CD48: variants seen among roughly 807,000 people sequenced by gnomAD.
The protein encoded by CD48 is CD48 antigen.
Under a neutral mutation model 22.0 loss-of-function variants are expected in CD48, and 20 were observed. The observed-to-expected ratio is 0.91, with a 90% CI of 0.64 to 1.32. The LOEUF is 1.32. Among genes scored for constraint, CD48 ranks in the 40% most tolerant of loss-of-function variants. CD48 has a pLI of 0.00. For missense variants in CD48, 307 were observed against 286.5 expected, an observed-to-expected ratio of 1.07 and a Z score of -0.52; for synonymous variants, 110 against 110.1, an observed-to-expected ratio of 1.00 and a Z score of 0.01.
chr1:160,680,629 A>G (rs1423545411), intron 3 of CD48: 6 of 1,009,232 alleles, frequency 5.9e-6, no homozygotes, highest in East Asian at 9.5e-5. Context: ...CCCAGGAGAC[A>G]GGGGAATCTG....
chr1:160,681,267 C>A lies in CD48; in HGVS notation c.587G>T (p.Cys196Phe), dbSNP rs1221245153. Residue 196 changes from cysteine (C) to phenylalanine (F), a missense_variant, in exon 3 of 4, where the codon TGC becomes TTC. Cys to Phe is a radical substitution (Grantham distance 205). Transcript: ENST00000368046. ...GCTGCTCACAGAATTGCTGACTTGG[C>A]AAGTATAACACCTGGAGTAATTATG... Reference protein sequence around the residue: ...MPHNYSRCYTCQVSNSVSSKN... With the variant: ...MPHNYSRCYTFQVSNSVSSKN... The A allele has an allele frequency of 6.2e-7, 1 of 1,614,080 alleles. No homozygotes were observed. The highest frequency in any genetic ancestry group is 1.3e-5 in the African/African-American group (1 of 74,918).
intron 3 of CD48, chr1:160,680,896 T>C (rs1433009590): frequency 2.8e-6 from 4 of 1,409,470 alleles, no homozygotes; most frequent in Admixed American, 2.9e-5. Flanking sequence ...GTCTACTCTA[T>C]GATGACCCTG....
chr1:160,695,846 T>G (rs1662399404), intron 1 of CD48, among the ~76,000 whole-genome samples: 1 of 152,174 alleles, frequency 6.6e-6, no homozygotes, highest in South Asian at 2.1e-4. Flanking sequence ...ACATTGTACT[T>G]GGATCAAATA....
intron 1 of CD48, among the ~76,000 whole-genome samples, chr1:160,687,841 G>A (rs1267081778): frequency 6.6e-6 from 1 of 152,206 alleles, no homozygotes; most frequent in African/African-American, 2.4e-5. Flanking sequence ...CTGATCTAAT[G>A]CCTCAGCTCC....
At chr1:160,698,885 A>T (rs1662524000) in intron 1 of CD48, 2 of 152,662 alleles carry the variant, frequency 1.3e-5, no homozygotes, top group South Asian at 4.1e-4. Context: ...CACTTGGATT[A>T]AGACCATCAG....
chr1:160,680,796 C>T, intron 3 of CD48: 1 of 1,143,832 alleles, frequency 8.7e-7, no homozygotes, highest in Non-Finnish European at 1.1e-6. Flanking sequence ...GTCCCTCTTT[C>T]CTTGGCTGAC....
chr1:160,693,752 T>G (rs1283554672), intron 1 of CD48, among the ~76,000 whole-genome samples: 2 of 152,150 alleles, frequency 1.3e-5, no homozygotes, highest in African/African-American at 4.8e-5. Context: ...CCAAATTTGA[T>G]AAAAATGGGC....
intron 1 of CD48, among the ~76,000 whole-genome samples, chr1:160,687,210 A>AC (rs757482965): frequency 3.7e-4 from 56 of 152,266 alleles, no homozygotes; most frequent in Non-Finnish European, 6.2e-4. Flanking sequence ...TGCCTGGCTC[A>AC]CCGGTGGTCA....
chr1:160,703,817 G>A (rs1389875350), intron 1 of CD48, among the ~76,000 whole-genome samples: 1 of 152,134 alleles, frequency 6.6e-6, no homozygotes, highest in Non-Finnish European at 1.5e-5. Flanking sequence ...TGGGGTAGGA[G>A]GGACCCAGAC....
chr1:160,711,663 C>T lies in CD48; in HGVS notation c.82+19G>A. 6.3e-7 allele frequency: 1 copy of T among 1,587,226 alleles called. No individual in the cohort carries two copies. The highest frequency in any genetic ancestry group is 1.7e-5 in the Admixed American group (1 of 59,976). On this transcript the variant is annotated intron_variant, in intron 1 of 3. Transcript: ENST00000368046. ...TGCCTTCAGTGCACAATCACAGATA[C>T]ACAGTTGGTGGAAAGTACCTTGAAT...
At chr1:160,687,106 T>G (rs1313904814) in intron 1 of CD48, among the ~76,000 whole-genome samples, 1 of 152,180 alleles carries the variant, frequency 6.6e-6, no homozygotes, top group African/African-American at 2.4e-5. Flanking sequence ...TCCAGGCGCG[T>G]ATTCTCTTTC....
At chr1:160,681,735 A>C (rs551824604) in intron 2 of CD48, among the ~76,000 whole-genome samples, 2 of 152,266 alleles carry the variant, frequency 1.3e-5, no homozygotes, top group South Asian at 4.1e-4. Flanking sequence ...TGGGAACAAA[A>C]TGGGGTTATG....
chr1:160,705,690 G>T (rs1452234524), intron 1 of CD48, among the ~76,000 whole-genome samples: 1 of 152,090 alleles, frequency 6.6e-6, no homozygotes, highest in Non-Finnish European at 1.5e-5. Flanking sequence ...CCTTCTGTTA[G>T]TTGTTTCCAC....
At chr1:160,698,560 G>T (rs1255726703) in intron 1 of CD48, among the ~76,000 whole-genome samples, 6 of 152,018 alleles carry the variant, frequency 3.9e-5, no homozygotes, top group Non-Finnish European at 8.8e-5. Context: ...ATCAAAAATT[G>T]GCAAGTCAAA....
At position 160,687,589 on chromosome 1, in the gene CD48, C is replaced by T. The variant is rs60414888; in HGVS notation, c.83-2400G>A. On this transcript the variant is annotated intron_variant, in intron 1 of 3. Transcript: ENST00000368046. ...CACGTTCTTCTGCCATGGCTTCAGC[C>T]GGTCCCTCCATTTGGGGTCCCTGAC... is the stretch of plus-strand genomic sequence containing the variant. Among the ~76,000 whole-genome samples, 1,103 of 152,284 alleles carry T rather than the reference C, an allele frequency of 7.2e-3. 12 individuals carry two copies. Among genetic ancestry groups the T allele is most frequent in the African/African-American group, 0.025 (1,048 of 41,548 alleles).
intron 1 of CD48, among the ~76,000 whole-genome samples, chr1:160,687,747 A>G (rs1458667649): frequency 6.6e-6 from 1 of 152,204 alleles, no homozygotes; most frequent in Non-Finnish European, 1.5e-5. Flanking sequence ...AAACACAGAA[A>G]CATATTCCAA....
intron 1 of CD48, among the ~76,000 whole-genome samples, chr1:160,702,261 A>C (rs1662654066): frequency 1.3e-5 from 2 of 152,024 alleles, no homozygotes; most frequent in African/African-American, 4.8e-5. Flanking sequence ...ATTTAGAGGA[A>C]TAGTACTAAA....
At chr1:160,703,927 G>C (rs1367977699) in intron 1 of CD48, among the ~76,000 whole-genome samples, 2 of 152,118 alleles carry the variant, frequency 1.3e-5, no homozygotes, top group African/African-American at 4.8e-5. Context: ...AGTGAACAAG[G>C]GGATTGGGTG....
chr1:160,692,407 T>C (rs2102416362), intron 1 of CD48, among the ~76,000 whole-genome samples: 1 of 152,292 alleles, frequency 6.6e-6, no homozygotes, highest in East Asian at 1.9e-4. Flanking sequence ...AGTGGGGCCA[T>C]TAGAGTCTAA....
Sources: gnomAD v4.1 joint callset for allele counts (sites outside exome capture counted in the v4.1 genomes callset) on GRCh38, gnomAD v4.1.1 for gene constraint, MANE v1.5 for transcripts, NCBI Gene and HGNC (gene_info 2026-07-23, HGNC 2026-07-21) for gene names.